The following IFI16 variants were observed in gnomAD, a reference collection of about 807,000 sequenced individuals.
IFI16 encodes the protein interferon gamma inducible protein 16, also known as gamma-interferon-inducible protein 16.
In IFI16, 49 loss-of-function variants were observed where a neutral mutation model predicts 68.4. The ratio of observed to expected loss-of-function variants is 0.72; its 90% confidence interval spans 0.57 to 0.91. The LOEUF is 0.91. Among genes scored for constraint, IFI16 ranks in the 40% least tolerant of loss-of-function variants. The pLI, the probability that IFI16 is intolerant of heterozygous loss-of-function variation, is 0.00. For missense variants in IFI16, 878 were observed against 942.9 expected, an observed-to-expected ratio of 0.93 and a Z score of 0.90; for synonymous variants, 307 against 315.0, an observed-to-expected ratio of 0.97 and a Z score of 0.27.
chr1:159,022,005 C>T (rs559712988), intron 6 of IFI16, among the ~76,000 whole-genome samples: 3 of 122,576 alleles, frequency 2.4e-5, no homozygotes, highest in Non-Finnish European at 3.2e-5. Context: ...GCTCTTTTGC[C>T]CAGGCGGGAG....
intron 9 of IFI16, 80 bp from the exon 10 acceptor site, chr1:159,051,599 G>A (rs111802094): frequency 1.8e-6 from 2 of 1,125,146 alleles, no homozygotes; most frequent in African/African-American, 3.1e-5. Flanking sequence ...CCAACACTGA[G>A]GCTGAGATGA....
intron 6 of IFI16, among the ~76,000 whole-genome samples, chr1:159,030,145 A>G (rs1264941779): frequency 1.4e-5 from 2 of 145,018 alleles, no homozygotes; most frequent in African/African-American, 5.6e-5. Context: ...CATTTCCAGA[A>G]GTTGTGATTT....
rs770542871 is a variant in IFI16, at chr1:159,049,543, C to G, written c.1609C>G (p.His537Asp). 25 of 1,598,888 alleles carry G rather than the reference C, an allele frequency of 1.6e-5. No individual in the cohort carries two copies. The Admixed American group carries it at 3.9e-4, about 25-fold the overall frequency. Reference sequence around the variant, plus strand: ...GACCAGCATAGGCCCAGCTGAGAGCCATCCCCACACTCCTCAGATGCCTCC... The same window carrying G: ...GACCAGCATAGGCCCAGCTGAGAGCGATCCCCACACTCCTCAGATGCCTCC... ...FMTSIGPAESHPHTPQMPPST... is the reference protein window; with the variant it reads ...FMTSIGPAESDPHTPQMPPST... The change falls in exon 9 of 12, where the codon CAT becomes GAT. Residue 537 changes from histidine (H) to aspartate (D), a missense_variant. Coordinates refer to ENST00000295809, the MANE Select transcript of IFI16 (RefSeq NM_001376587.1).
chr1:159,043,473 A>G (rs1437063122), intron 7 of IFI16, among the ~76,000 whole-genome samples: 5 of 152,228 alleles, frequency 3.3e-5, no homozygotes, highest in African/African-American at 1.2e-4. Flanking sequence ...AACATACACC[A>G]CGTAGTCATT....
At chr1:159,007,608 GTGA>G (rs1471927823), upstream of IFI16, among the ~76,000 whole-genome samples, 2 of 152,176 alleles carry the variant, frequency 1.3e-5, no homozygotes, top group Non-Finnish European at 1.5e-5. Context: ...ACCTCCCAGT[GTGA>G]TGATATTTGA....
In IFI16 at chr1:159,054,852, T is replaced by C; in HGVS notation, c.2309T>C (p.Ile770Thr). Residue 770 changes from isoleucine (I) to threonine (T), a missense_variant, in exon 12 of 12, where the codon ATA becomes ACA. This residue lies in a region of IFI16 where 311 missense variants were observed against 305.1 expected (regional missense o/e 1.02). Transcript: ENST00000295809. ...AAGACCAGGAAAAACAAGAAAGACA[T>C]ACTCAATCCTGATTCAAGTATGGAA... ...VIKTRKNKKD[I>T]LNPDSSMETS... The C allele has an allele frequency of 6.2e-7, 1 of 1,604,614 alleles. No individual in the cohort carries two copies. Among genetic ancestry groups the C allele is most frequent in the Non-Finnish European group, 8.5e-7 (1 of 1,173,054 alleles).
chr1:159,043,454 A>T (rs577233937), intron 7 of IFI16, among the ~76,000 whole-genome samples: 1 of 152,326 alleles, frequency 6.6e-6, no homozygotes, highest in South Asian at 2.1e-4. Context: ...AGGCAGACTC[A>T]TCCACCTAAA....
chr1:159,031,454 T>C (rs998467376), intron 6 of IFI16, among the ~76,000 whole-genome samples: 2 of 152,190 alleles, frequency 1.3e-5, no homozygotes, highest in Non-Finnish European at 2.9e-5. Flanking sequence ...TGAAGGACCT[T>C]TGTGAGACAA....
intron 1 of IFI16, 125 bp from the exon 2 acceptor site, chr1:159,014,536 A>G (rs1447159126): frequency 8.8e-6 from 5 of 570,610 alleles, no homozygotes; most frequent in Non-Finnish European, 1.5e-5. Context: ...TTGGTCGTTG[A>G]GTCCTTCTTT....
chr1:159,027,646 T>A (rs1653754466), intron 6 of IFI16, among the ~76,000 whole-genome samples: 1 of 152,176 alleles, frequency 6.6e-6, no homozygotes, highest in Non-Finnish European at 1.5e-5. Flanking sequence ...TTAGCTGTGA[T>A]TCCATCTGGT....
intron 6 of IFI16, among the ~76,000 whole-genome samples, chr1:159,024,094 T>C (rs1470603696): frequency 6.6e-6 from 1 of 152,248 alleles, no homozygotes; most frequent in Non-Finnish European, 1.5e-5. Context: ...ACAAGCGTGA[T>C]AATAATTTTT....
chr1:159,016,689 T>A lies in IFI16; in HGVS notation c.538T>A (p.Ser180Thr). The part of the protein sequence containing the change: ...KTSLSAPPNS[S>T]STENPKTVAK... ...CTCATTGTCAGCTCCACCCAACAGT[T>A]CTTCAACTGAGGTACACTCTTCCTG... Residue 180 changes from serine to threonine, a missense_variant, in exon 4 of 12, where the codon TCT (serine) becomes ACT (threonine). Transcript: ENST00000295809. 1.2e-6 allele frequency: 2 copies of A among 1,613,152 alleles called. No individual in the cohort carries two copies. Among genetic ancestry groups the A allele is most frequent in the Non-Finnish European group, 1.7e-6 (2 of 1,179,598 alleles).
At position 159,018,394 on chromosome 1, in the gene IFI16, T is replaced by C. The variant is rs748432035; in HGVS notation, c.715T>C (p.Phe239Leu). The C allele has an allele frequency of 4.3e-6, 7 of 1,614,052 alleles. No homozygotes were observed. Among genetic ancestry groups the C allele is most frequent in the Admixed American group, 3.3e-5 (2 of 60,012 alleles). The change falls in exon 5 of 12, where the codon TTC (phenylalanine) becomes CTC (leucine). Residue 239 changes from phenylalanine to leucine, a missense_variant. This residue lies in a region of IFI16 where 443 missense variants were observed against 421.8 expected (regional missense o/e 1.05). Transcript: ENST00000295809. ...TGCTACAGTGGCTACACAGACACAG[T>C]TCTTCCATGTGAAGGTTTTAAACAC... ...FHATVATQTQFFHVKVLNTSL... is the reference protein window; with the variant it reads ...FHATVATQTQLFHVKVLNTSL...
chr1:159,024,133 C>T (rs555905231), intron 6 of IFI16, among the ~76,000 whole-genome samples: 1 of 152,200 alleles, frequency 6.6e-6, no homozygotes, highest in Non-Finnish European at 1.5e-5. Flanking sequence ...ATATTTAATT[C>T]ATTCCAGCCA....
intron 6 of IFI16, among the ~76,000 whole-genome samples, chr1:159,025,839 A>G (rs753898101): frequency 2.6e-5 from 4 of 152,082 alleles, no homozygotes; most frequent in Non-Finnish European, 5.9e-5. Context: ...TCTTGAGTTG[A>G]TTTTTGTATA....
chr1:159,006,854 A>G (rs1409541946), upstream of IFI16, among the ~76,000 whole-genome samples: 2 of 152,232 alleles, frequency 1.3e-5, no homozygotes, highest in East Asian at 3.8e-4. Context: ...GACCAAGGCG[A>G]TAGGTATTTG....
At position 159,027,271 on chromosome 1, in the gene IFI16, G is replaced by A. The variant is rs140726295; in HGVS notation, c.1162-5253G>A. 2.0e-3 allele frequency among the ~76,000 whole-genome samples: 305 copies of A among 151,612 alleles called. 2 individuals are homozygous for A. Among genetic ancestry groups the A allele is most frequent in the African/African-American group, 6.0e-3 (248 of 41,356 alleles). ...ATTTTGTCAAATGCTTTTTTTTTGC[G>A]TCTACTTAGATGATCCGGTGATTTT... On this transcript the variant is annotated intron_variant, in intron 6 of 11. Transcript: ENST00000295809.
rs943532582 is a variant in IFI16 at position 159,051,881 on chromosome 1, A to G, written c.1868A>G (p.Lys623Arg). Reference protein sequence around the residue: ...VKVFNIDLKEKFTPKKIIAIA... With the variant: ...VKVFNIDLKERFTPKKIIAIA... ...GTTTTTAATATTGACCTAAAGGAGAAGTTCACCCCAAAGAAGATCATTGCC... is the reference window on the plus strand; with the variant it reads ...GTTTTTAATATTGACCTAAAGGAGAGGTTCACCCCAAAGAAGATCATTGCC... Residue 623 changes from lysine to arginine, a missense_variant, in exon 10 of 12, where the codon AAG becomes AGG. Lys to Arg is a conservative substitution (Grantham distance 26). Around this residue, in one of 4 missense-constraint regions of IFI16, gnomAD observed 311 missense variants for 305.1 expected, o/e 1.02. Coordinates refer to ENST00000295809, the MANE Select transcript of IFI16 (RefSeq NM_001376587.1). 1.2e-6 allele frequency: 2 copies of G among 1,614,136 alleles called. No individual in the cohort carries two copies. The highest frequency in any genetic ancestry group is 2.2e-5 in the East Asian group (1 of 44,894).
intron 6 of IFI16, among the ~76,000 whole-genome samples, chr1:159,024,391 G>A (rs1653523094): frequency 1.3e-5 from 2 of 152,214 alleles, no homozygotes; most frequent in South Asian, 2.1e-4. Context: ...GTTAGTTAAG[G>A]TGGAGGTGGT....
Sources: allele counts gnomAD v4.1 joint callset (sites outside exome capture counted in the v4.1 genomes callset), GRCh38; gene constraint gnomAD v4.1.1; regional missense constraint gnomAD v4.1.1; transcripts MANE v1.5; gene names NCBI Gene and HGNC (gene_info 2026-07-23, HGNC 2026-07-21).